IMMP2L: variants seen among roughly 807,000 people sequenced by gnomAD.
The protein encoded by IMMP2L is inner mitochondrial membrane peptidase subunit 2.
In IMMP2L, 18 loss-of-function variants were observed where a neutral mutation model predicts 19.3. That is an observed-to-expected ratio of 0.93 (90% CI 0.64 to 1.38). IMMP2L has a LOEUF of 1.38. Among genes scored for constraint, IMMP2L ranks in the 40% most tolerant of loss-of-function variants. The probability of loss-of-function intolerance (pLI) is 0.00; values close to 1 mark genes in which losing one functional copy is unlikely to be tolerated. For missense variants in IMMP2L, 233 were observed against 218.2 expected, an observed-to-expected ratio of 1.07 and a Z score of -0.43; for synonymous variants, 76 against 73.0, an observed-to-expected ratio of 1.04 and a Z score of -0.21.
intron 5 of IMMP2L, among the ~76,000 whole-genome samples, chr7:110,773,458 T>A (rs1253177409): frequency 1.3e-5 from 2 of 152,140 alleles, no homozygotes; most frequent in African/African-American, 4.8e-5. Context: ...ATACTTCATA[T>A]AGTGGGTCCT....
At chr7:111,318,794 C>A (rs1329870806) in intron 3 of IMMP2L, among the ~76,000 whole-genome samples, 1 of 152,058 alleles carries the variant, frequency 6.6e-6, no homozygotes, top group East Asian at 1.9e-4. Flanking sequence ...AGGACTATTA[C>A]ATAATTGGTA....
At chr7:110,702,584 T>A (rs73208729) in intron 5 of IMMP2L, among the ~76,000 whole-genome samples, 5,937 of 152,242 alleles carry the variant, frequency 0.039, 150 homozygotes, top group Middle Eastern at 0.096. Context: ...TTTAGGTCTT[T>A]AATTTCTTTC....
intron 5 of IMMP2L, among the ~76,000 whole-genome samples, chr7:110,874,940 A>C (rs1808914842): frequency 6.6e-6 from 1 of 152,082 alleles, no homozygotes; most frequent in Admixed American, 6.6e-5. Flanking sequence ...AGGAGGCAGA[A>C]GGGCAAAGAG....
chr7:111,205,338 A>C (rs1400907942), intron 3 of IMMP2L, among the ~76,000 whole-genome samples: 1 of 152,208 alleles, frequency 6.6e-6, no homozygotes, highest in East Asian at 1.9e-4. Context: ...TCAGCCCATC[A>C]CATACATCAA....
chr7:111,093,803 T>C (rs1357639646), intron 3 of IMMP2L, among the ~76,000 whole-genome samples: 1 of 152,152 alleles, frequency 6.6e-6, no homozygotes, highest in Non-Finnish European at 1.5e-5. Context: ...GATTTACCCA[T>C]AGTCTCCCCA....
At chr7:111,292,121 G>A (rs562317215) in intron 3 of IMMP2L, among the ~76,000 whole-genome samples, 10 of 152,194 alleles carry the variant, frequency 6.6e-5, no homozygotes, top group Admixed American at 4.6e-4. Flanking sequence ...AAAGACAATC[G>A]TCCTGGGAAC....
At chr7:111,528,023 ACT>A (rs948311318) in intron 1 of IMMP2L, among the ~76,000 whole-genome samples, 5 of 152,208 alleles carry the variant, frequency 3.3e-5, no homozygotes, top group African/African-American at 1.2e-4. Flanking sequence ...ATAATAAAAC[ACT>A]GTTAAAAGCT....
chr7:111,329,087 T>A (rs1314796247), intron 3 of IMMP2L, among the ~76,000 whole-genome samples: 4 of 151,910 alleles, frequency 2.6e-5, no homozygotes, highest in African/African-American at 9.7e-5. Flanking sequence ...AGCTTTCATG[T>A]ACAATCATGT....
intron 5 of IMMP2L, among the ~76,000 whole-genome samples, chr7:110,744,841 C>T (rs1797227317): frequency 6.6e-6 from 1 of 152,182 alleles, no homozygotes; most frequent in South Asian, 2.1e-4. Flanking sequence ...AATGCTTCTT[C>T]TCCTCCAAAG....
intron 3 of IMMP2L, among the ~76,000 whole-genome samples, chr7:111,444,500 T>G (rs1749784912): frequency 6.6e-6 from 1 of 152,136 alleles, no homozygotes; most frequent in African/African-American, 2.4e-5. Flanking sequence ...AAATAAAGAT[T>G]TAATATTTAT....
In IMMP2L at chr7:111,527,769, G is replaced by C. The variant is rs141250564; in HGVS notation, c.-2-6320C>G. Among the ~76,000 whole-genome samples the C allele has an allele frequency of 3.7e-4, 56 of 152,200 alleles. 1 individual carries two copies. The highest frequency in any genetic ancestry group is 1.2e-3 in the African/African-American group (51 of 41,538). ...ATTTCCACAACCTGACTGCTGACCA[G>C]AGCATTGCTACCATCGCCTGCACAA... On this transcript the variant is annotated intron_variant, in intron 1 of 5. Coordinates refer to ENST00000405709, the MANE Select transcript of IMMP2L (RefSeq NM_032549.4).
At chr7:110,880,355 G>C (rs1051509448) in intron 5 of IMMP2L, among the ~76,000 whole-genome samples, 1 of 151,900 alleles carries the variant, frequency 6.6e-6, no homozygotes, top group African/African-American at 2.4e-5. Flanking sequence ...TACCCAACAA[G>C]TTTTCAGAAA....
intron 5 of IMMP2L, among the ~76,000 whole-genome samples, chr7:110,766,449 G>A (rs994421539): frequency 1.1e-4 from 17 of 151,926 alleles, no homozygotes; most frequent in East Asian, 1.9e-4. Flanking sequence ...TATATTAGCC[G>A]GGCGTGGTGA....
Position 111,123,043 on chromosome 7 carries a change from C to A in IMMP2L, c.240-159478G>T. 2 of 1,613,830 alleles carry A rather than the reference C, an allele frequency of 1.2e-6. No homozygotes were observed. Among genetic ancestry groups the A allele is most frequent in the Non-Finnish European group, 1.7e-6 (2 of 1,179,926 alleles). On this transcript the variant is annotated intron_variant, in intron 3 of 5. Transcript: ENST00000405709. The surrounding 1 kb of genome is among the most constrained non-coding windows in gnomAD (Gnocchi z 6.4). The stretch of plus-strand genomic sequence containing the variant: ...AAAAATTGAATACTCCACAGACTTT[C>A]CAGTAAACCTTACTGGCCTGGATTT...
intron 3 of IMMP2L, among the ~76,000 whole-genome samples, chr7:111,114,901 G>C (rs918509676): frequency 6.6e-6 from 1 of 151,754 alleles, no homozygotes; most frequent in East Asian, 1.9e-4. Flanking sequence ...CCTAACTCCC[G>C]GGTCTGCATA....
In IMMP2L at chr7:111,274,794, A is replaced by G. The variant is rs555429915; in HGVS notation, c.239+212444T>C. Among the ~76,000 whole-genome samples the G allele has an allele frequency of 6.6e-5, 10 of 152,334 alleles. No homozygotes were observed. The East Asian group carries it at 1.7e-3, about 26-fold the overall frequency. On this transcript the variant is annotated intron_variant, in intron 3 of 5. Transcript: ENST00000405709. ...TAAGCAAACAGGCACATGTCCCAGG[A>G]GCAGGCAACACAGATAGAATAGTTT...
chr7:110,673,014 G>T (rs757069521), intron 5 of IMMP2L, among the ~76,000 whole-genome samples: 7 of 152,318 alleles, frequency 4.6e-5, no homozygotes, highest in Middle Eastern at 6.8e-3. Context: ...CTGTGTGAGG[G>T]CTCCAACCCC....
chr7:111,440,230 T>C (rs1340259680), intron 3 of IMMP2L, among the ~76,000 whole-genome samples: 2 of 151,894 alleles, frequency 1.3e-5, no homozygotes, highest in Non-Finnish European at 2.9e-5. Flanking sequence ...TAATGGCATC[T>C]AGAATGGTGA....
chr7:111,201,279 CAAA>C, intron 3 of IMMP2L, among the ~76,000 whole-genome samples: 1 of 134,314 alleles, frequency 7.4e-6, no homozygotes, highest in East Asian at 2.3e-4. Context: ...GTATCAAATC[CAAA>C]AAAAAAAAAA....
Sources: allele counts gnomAD v4.1 joint callset (sites outside exome capture counted in the v4.1 genomes callset), GRCh38; gene constraint gnomAD v4.1.1; non-coding constraint Gnocchi (gnomAD v3.1); transcripts MANE v1.5; gene names NCBI Gene and HGNC (gene_info 2026-07-23, HGNC 2026-07-21).